Variants in VRK2 observed in about 807,000 individuals in gnomAD.
The protein encoded by VRK2 is VRK serine/threonine kinase 2.
A neutral mutation model predicts 57.6 loss-of-function variants in VRK2; 60 were observed. That is an observed-to-expected ratio of 1.04 (90% CI 0.85 to 1.29). VRK2 has a LOEUF of 1.29. Among genes scored for constraint, VRK2 ranks in the 50% most tolerant of loss-of-function variants. The probability of loss-of-function intolerance (pLI) is 0.00; values close to 1 mark genes in which losing one functional copy is unlikely to be tolerated. For synonymous variants in VRK2, 231 were observed against 199.2 expected (o/e 1.16, Z -1.35); for missense variants, 705 against 588.1 (o/e 1.20, Z -2.06).
chr2:57,980,469 T>C (rs1356620972), intron 1 of VRK2, among the ~76,000 whole-genome samples: 1 of 152,198 alleles, frequency 6.6e-6, no homozygotes, highest in African/African-American at 2.4e-5. Context: ...TGGTCAACCT[T>C]GGAGTATGTG....
intron 1 of VRK2, among the ~76,000 whole-genome samples, chr2:57,928,124 C>T (rs1670601422): frequency 6.6e-6 from 1 of 152,098 alleles, no homozygotes; most frequent in African/African-American, 2.4e-5. Context: ...CTTTTTACTC[C>T]TATCTCTCTA....
chr2:58,057,945 G>T (rs1191955885), intron 2 of VRK2, among the ~76,000 whole-genome samples: 3 of 152,068 alleles, frequency 2.0e-5, no homozygotes, highest in East Asian at 1.9e-4. Flanking sequence ...AGGCAAAACA[G>T]TGTAGGAAAA....
At chr2:57,944,731 G>C (rs1221552267) in intron 1 of VRK2, among the ~76,000 whole-genome samples, 5 of 146,780 alleles carry the variant, frequency 3.4e-5, no homozygotes, top group Admixed American at 6.8e-5. Context: ...GCGAGACTCT[G>C]TCTCAAAAAA....
intron 12 of VRK2, among the ~76,000 whole-genome samples, chr2:58,158,418 AG>A (rs1203002123): frequency 2.6e-5 from 4 of 152,174 alleles, no homozygotes; most frequent in Non-Finnish European, 5.9e-5. Flanking sequence ...TGTTTTATGT[AG>A]GACTCCTTTC....
At chr2:58,004,700 A>T (rs1673191270) in intron 1 of VRK2, among the ~76,000 whole-genome samples, 1 of 152,188 alleles carries the variant, frequency 6.6e-6, no homozygotes, top group Non-Finnish European at 1.5e-5. Context: ...TATACTCAAT[A>T]CAAGGAATAC....
intron 1 of VRK2, among the ~76,000 whole-genome samples, chr2:57,966,730 A>G (rs995456372): frequency 4.6e-5 from 7 of 152,222 alleles, no homozygotes; most frequent in African/African-American, 1.7e-4. Flanking sequence ...TAAAATAAGA[A>G]TAACAGTTAT....
At chr2:57,911,720 A>G (rs948688291) in intron 1 of VRK2, among the ~76,000 whole-genome samples, 11 of 152,240 alleles carry the variant, frequency 7.2e-5, no homozygotes, top group African/African-American at 2.7e-4. Context: ...ATTTATGGAT[A>G]TAATTGGGGA....
At chr2:57,988,939 G>T (rs929342259) in intron 1 of VRK2, among the ~76,000 whole-genome samples, 1 of 152,142 alleles carries the variant, frequency 6.6e-6, no homozygotes, top group Non-Finnish European at 1.5e-5. Context: ...ACAGATTGGG[G>T]TTGCACATTC....
At chr2:58,056,328 C>G (rs1676515611) in intron 2 of VRK2, among the ~76,000 whole-genome samples, 1 of 152,138 alleles carries the variant, frequency 6.6e-6, no homozygotes. Context: ...ACAAATTAAA[C>G]TACTAAAACT....
At chr2:58,105,909 C>G (rs957955175) in intron 7 of VRK2, among the ~76,000 whole-genome samples, 1 of 151,778 alleles carries the variant, frequency 6.6e-6, no homozygotes, top group Non-Finnish European at 1.5e-5. Flanking sequence ...TATGTTGAAC[C>G]TTTTTATAAT....
intron 1 of VRK2, among the ~76,000 whole-genome samples, chr2:57,989,347 CA>C (rs1201116317): frequency 6.6e-6 from 1 of 152,196 alleles, no homozygotes; most frequent in African/African-American, 2.4e-5. Context: ...GCCATCTTGA[CA>C]AAGTCTCACA....
chr2:58,108,919 T>TC (rs1675146236), intron 7 of VRK2, among the ~76,000 whole-genome samples: 1 of 152,196 alleles, frequency 6.6e-6, no homozygotes, highest in Non-Finnish European at 1.5e-5. Context: ...CCCTTACTCA[T>TC]CCTTTTTTCT....
intron 1 of VRK2, among the ~76,000 whole-genome samples, chr2:57,972,731 T>C (rs1189021378): frequency 2.6e-5 from 4 of 152,054 alleles, no homozygotes; most frequent in Admixed American, 2.6e-4. Context: ...AATTTGTTTA[T>C]CTTAAATATT....
intron 7 of VRK2, among the ~76,000 whole-genome samples, chr2:58,122,774 C>G (rs549054886): frequency 6.6e-6 from 1 of 152,246 alleles, no homozygotes; most frequent in East Asian, 1.9e-4. Flanking sequence ...GCCTCCTCAA[C>G]TGTGTGAATA....
chr2:58,149,116 A>C (rs769010439), intron 12 of VRK2, among the ~76,000 whole-genome samples: 1 of 151,536 alleles, frequency 6.6e-6, no homozygotes, highest in Non-Finnish European at 1.5e-5. Context: ...CGACTCCTCC[A>C]GTGCATAAAC....
At chr2:58,089,928 A>G (rs373077455) in intron 7 of VRK2, among the ~76,000 whole-genome samples, 101 of 152,216 alleles carry the variant, frequency 6.6e-4, no homozygotes, top group African/African-American at 2.4e-3. Context: ...GAGGGGTTAA[A>G]TAATATGTTA....
chr2:58,064,788 G>A (rs1232129371), intron 2 of VRK2, among the ~76,000 whole-genome samples: 1 of 152,042 alleles, frequency 6.6e-6, no homozygotes, highest in Non-Finnish European at 1.5e-5. Flanking sequence ...GTTTTTAACA[G>A]TGTTACAGAT....
intron 7 of VRK2, among the ~76,000 whole-genome samples, chr2:58,109,232 C>T (rs772628478): frequency 2.8e-4 from 43 of 152,088 alleles, no homozygotes; most frequent in Middle Eastern, 6.8e-3. Context: ...GTTATGGATA[C>T]AAAAATGTAT....
intron 2 of VRK2, among the ~76,000 whole-genome samples, chr2:58,068,114 G>T (rs1668875766): frequency 6.6e-6 from 1 of 151,936 alleles, no homozygotes; most frequent in Non-Finnish European, 1.5e-5. Flanking sequence ...ATTTTTAGTA[G>T]AGATGAGGTT....
Sources: allele counts gnomAD v4.1 joint callset (sites outside exome capture counted in the v4.1 genomes callset), GRCh38; gene constraint gnomAD v4.1.1; transcripts MANE v1.5; gene names NCBI Gene and HGNC (gene_info 2026-07-23, HGNC 2026-07-21).